The following UBAP1 variants were observed in gnomAD, a reference collection of about 807,000 sequenced individuals.
UBAP1 encodes the protein ubiquitin-associated protein 1.
In UBAP1, 5 loss-of-function variants were observed where a neutral mutation model predicts 39.0. The observed-to-expected ratio is 0.13, with a 90% confidence interval of 0.07 to 0.27. The LOEUF is 0.27. UBAP1 is among the 10% of genes least tolerant of loss of function. The pLI is 1.00. For synonymous variants in UBAP1, 211 were observed against 225.1 expected (o/e 0.94, Z 0.56); for missense variants, 490 against 608.1 (o/e 0.81, Z 2.04).
intron 1 of UBAP1, among the ~76,000 whole-genome samples, chr9:34,196,297 G>A (rs1401084877): frequency 7.4e-6 from 1 of 135,852 alleles, no homozygotes; most frequent in African/African-American, 2.8e-5. Flanking sequence ...GTGCCACTAA[G>A]CTTGGCTAAT....
At chr9:34,218,479 A>C in intron 1 of UBAP1, among the ~76,000 whole-genome samples, 1 of 150,484 alleles carries the variant, frequency 6.6e-6, no homozygotes, top group East Asian at 2.0e-4. Flanking sequence ...GTGGTTATAG[A>C]AATGAAACAC....
intron 1 of UBAP1, among the ~76,000 whole-genome samples, chr9:34,182,373 C>T (rs541690254): frequency 1.3e-5 from 2 of 151,394 alleles, no homozygotes; most frequent in African/African-American, 2.4e-5. Context: ...TTAGTAGCGA[C>T]GGGGTTTCAC....
chr9:34,238,815 CTTGT>C (rs1833826057), intron 3 of UBAP1, among the ~76,000 whole-genome samples: 1 of 152,184 alleles, frequency 6.6e-6, no homozygotes, highest in Admixed American at 6.5e-5. Flanking sequence ...AAACACCTGT[CTTGT>C]TTCTCATTAT....
chr9:34,213,984 A>G (rs1018888675), intron 1 of UBAP1, among the ~76,000 whole-genome samples: 7 of 152,284 alleles, frequency 4.6e-5, no homozygotes, highest in Admixed American at 3.9e-4. Flanking sequence ...GACCTCTACA[A>G]GGAAAACTAC....
intron 1 of UBAP1, among the ~76,000 whole-genome samples, chr9:34,180,473 A>G (rs1224035404): frequency 1.3e-5 from 2 of 150,664 alleles, no homozygotes; most frequent in Non-Finnish European, 2.9e-5. Flanking sequence ...GCTGCATTGC[A>G]CTCCAGCCTG....
intron 1 of UBAP1, among the ~76,000 whole-genome samples, chr9:34,187,613 T>A (rs3739691): frequency 0.033 from 5,012 of 152,086 alleles, 200 homozygotes; most frequent in East Asian, 0.15. Flanking sequence ...TATATTCAAA[T>A]TTTTTTTGAT....
chr9:34,182,980 G>A (rs893784495), intron 1 of UBAP1, among the ~76,000 whole-genome samples: 8 of 151,796 alleles, frequency 5.3e-5, no homozygotes, highest in African/African-American at 1.5e-4. Flanking sequence ...AGGTTTCACC[G>A]TGTTAGCCAG....
At chr9:34,202,732 A>G (rs1039558134) in intron 1 of UBAP1, among the ~76,000 whole-genome samples, 1 of 145,334 alleles carries the variant, frequency 6.9e-6, no homozygotes, top group Admixed American at 7.0e-5. Context: ...AATAACTGTC[A>G]ATCTTGTTTT....
chr9:34,251,722 T>C lies in UBAP1; in HGVS notation c.*190T>C, dbSNP rs1233384294. ...TGGGGAGGTGGGGAAGATTCGGGCA[T>C]GTGAGTGCCCCCAGAACTGTCCTGG... On this transcript the variant is annotated 3_prime_UTR_variant, in exon 7 of 7. Coordinates refer to ENST00000297661, the MANE Select transcript of UBAP1 (RefSeq NM_016525.5). 2 of 629,686 alleles carry C rather than the reference T, an allele frequency of 3.2e-6. No individual in the cohort carries two copies. The highest frequency in any genetic ancestry group is 2.8e-5 in the East Asian group (1 of 36,298). The allele number at this position is 629,686 out of a possible 1,614,324, so 39.0% of individuals were successfully genotyped here.
At chr9:34,212,051 G>T (rs1329814610) in intron 1 of UBAP1, 1 of 420,226 alleles carries the variant, frequency 2.4e-6, no homozygotes, top group Non-Finnish European at 4.8e-6. Context: ...AAAAGAAAAA[G>T]AATATGTTTT....
At position 34,179,244 on chromosome 9, in the gene UBAP1, A is replaced by T; in HGVS notation, c.-8+4A>T. ...CGGCGGCAGCAGCGGCATTCAGGTG[A>T]GGGGGGCCTCCCTCTGGGGGAGGGG... On this transcript the variant is annotated splice_donor_region_variant and intron_variant, in intron 1 of 6. Transcript: ENST00000297661. The T allele has an allele frequency of 1.2e-6, 1 of 835,726 alleles. No homozygotes were observed. The highest frequency in any genetic ancestry group is 5.8e-4 in the Middle Eastern group (1 of 1,714). 51.8% of individuals were successfully genotyped at this position (835,726 alleles called of 1,614,324 possible).
chr9:34,224,453 CTT>C, intron 2 of UBAP1: 1 of 392,842 alleles, frequency 2.5e-6, no homozygotes, highest in Non-Finnish European at 4.8e-6. Context: ...TACATGCAGC[CTT>C]AGGGCACGGT....
chr9:34,182,957 T>C (rs571022183), intron 1 of UBAP1, among the ~76,000 whole-genome samples: 358 of 151,842 alleles, frequency 2.4e-3, no homozygotes, highest in South Asian at 4.8e-3. Flanking sequence ...TTTTTGTAGT[T>C]TTAGTAGAGA....
At position 34,220,843 on chromosome 9, in the gene UBAP1, T is replaced by C; in HGVS notation, c.-7-65T>C. 3 of 1,459,538 alleles carry C rather than the reference T, an allele frequency of 2.1e-6. No individual in the cohort carries two copies. In the South Asian group the frequency reaches 3.5e-5, roughly 17 times the overall value. 90.4% of individuals were successfully genotyped at this position (1,459,538 alleles called of 1,614,324 possible). Reference sequence around the variant, plus strand: ...AGGTCTTCTGGTTTCTTTTTTGTACTCTCAATTTTCTTCGTACTACCTTCA... The same window carrying C: ...AGGTCTTCTGGTTTCTTTTTTGTACCCTCAATTTTCTTCGTACTACCTTCA... On this transcript the variant is annotated intron_variant, in intron 1 of 6. Transcript: ENST00000297661.
intron 1 of UBAP1, among the ~76,000 whole-genome samples, chr9:34,195,717 C>T (rs1360265795): frequency 6.7e-6 from 1 of 149,294 alleles, no homozygotes; most frequent in Admixed American, 6.7e-5. Flanking sequence ...CCTGCCTCAG[C>T]CTCCCGAGTA....
intron 2 of UBAP1, chr9:34,224,376 C>A: frequency 2.3e-6 from 1 of 436,630 alleles, no homozygotes; most frequent in Middle Eastern, 3.3e-4. Flanking sequence ...CGTTATTAAA[C>A]GCATTGTAGA....
chr9:34,233,942 G>C (rs952266078), intron 2 of UBAP1, among the ~76,000 whole-genome samples: 9 of 152,180 alleles, frequency 5.9e-5, no homozygotes, highest in Non-Finnish European at 1.0e-4. Context: ...GAGGATGACT[G>C]TAAGGAGATG....
chr9:34,218,524 A>G (rs1200935882), intron 1 of UBAP1, among the ~76,000 whole-genome samples: 2 of 151,806 alleles, frequency 1.3e-5, no homozygotes, highest in Non-Finnish European at 2.9e-5. Flanking sequence ...CATATTCACA[A>G]CTCATTGCTG....
rs1317037166 is a variant in UBAP1, at chr9:34,251,124, T to G, written c.1369-268T>G. Among the ~76,000 whole-genome samples, 11 of 152,304 alleles carry G rather than the reference T, an allele frequency of 7.2e-5. No individual in the cohort carries two copies. The South Asian group carries it at 2.1e-3, about 29-fold the overall frequency. ...TCCTTGGTGGGAAGATGGATGTGGG[T>G]GGTGGGACCCAGACAGAGCTCAGCA... On this transcript the variant is annotated intron_variant, in intron 6 of 6. Coordinates refer to ENST00000297661, the MANE Select transcript of UBAP1 (RefSeq NM_016525.5).
Sources: allele counts gnomAD v4.1 joint callset (sites outside exome capture counted in the v4.1 genomes callset), GRCh38; gene constraint gnomAD v4.1.1; transcripts MANE v1.5; gene names NCBI Gene and HGNC (gene_info 2026-07-23, HGNC 2026-07-21).